The following PTBP1 variants were observed in gnomAD, a reference collection of about 807,000 sequenced individuals.
The protein encoded by PTBP1 is polypyrimidine tract binding protein 1.
A neutral mutation model predicts 59.8 loss-of-function variants in PTBP1; 8 were observed. That is an observed-to-expected ratio of 0.13 (90% CI 0.08 to 0.24). The LOEUF (loss-of-function observed/expected upper bound fraction) is 0.24. Among genes scored for constraint, PTBP1 ranks in the 10% least tolerant of loss-of-function variants. PTBP1 has a pLI of 1.00. For missense variants in PTBP1, 686 were observed against 767.0 expected (o/e 0.89, Z 1.25); for synonymous variants, 490 against 320.7 (o/e 1.53, Z -5.64).
In PTBP1 at chr19:808,649, G is replaced by C. The variant is rs1363672701; in HGVS notation, c.1350G>C (p.Gln450His). The change falls in exon 13 of 15, where the codon CAG becomes CAC. Residue 450 changes from glutamine to histidine, a missense_variant. Physicochemically the swap from Gln to His is conservative, Grantham distance 24. Coordinates refer to ENST00000356948, the MANE Select transcript of PTBP1 (RefSeq NM_002819.5). The surrounding 1 kb of genome is among the most constrained non-coding windows in gnomAD (Gnocchi z 4.7). ...TGCCCCGCGAGGGCCAGGAGGACCA[G>C]GGCCTGACCAAGGACTACGGCAACT... ...VQLPREGQED[Q>H]GLTKDYGNSP... 6.2e-7 allele frequency: 1 copy of C among 1,612,078 alleles called. No homozygotes were observed. The highest frequency in any genetic ancestry group is 1.7e-5 in the Admixed American group (1 of 60,010).
Position 811,057 on chromosome 19 carries a change from C to A in PTBP1, c.*231C>A, listed in dbSNP as rs780283081. ...TGTGGCAGCGGGAGTTCCCGGCCCTCCACACCCGGGGCCAGACCCTCGGGG... is the reference window on the plus strand; with the variant it reads ...TGTGGCAGCGGGAGTTCCCGGCCCTACACACCCGGGGCCAGACCCTCGGGG... On this transcript the variant is annotated 3_prime_UTR_variant, in exon 15 of 15. Transcript: ENST00000356948. 1.6e-4 allele frequency: 76 copies of A among 465,820 alleles called. No individual in the cohort carries two copies. Among genetic ancestry groups the A allele is most frequent in the Non-Finnish European group, 2.4e-4 (64 of 272,078 alleles). 28.9% of individuals were successfully genotyped at this position (465,820 alleles called of 1,614,324 possible). A position where few individuals can be genotyped will look rare whatever the true frequency, so the allele number is the denominator to read the frequency against.
intron 1 of PTBP1, 82 bp downstream of exon 1, chr19:797,587 C>T (rs1008256299): frequency 1.1e-4 from 107 of 992,122 alleles, no homozygotes; most frequent in Non-Finnish European, 1.2e-4. Context: ...CTCCCCGGGG[C>T]CGATCTCGCC....
intron 2 of PTBP1, 90 bp from the exon 3 acceptor site, chr19:803,471 G>C: frequency 9.0e-7 from 1 of 1,106,042 alleles, no homozygotes. Context: ...GGGACCCCAG[G>C]CAGCCCAAGT....
At chr19:801,787 T>C (rs1343199400) in intron 2 of PTBP1, among the ~76,000 whole-genome samples, 2 of 152,182 alleles carry the variant, frequency 1.3e-5, no homozygotes, top group Admixed American at 6.5e-5. Flanking sequence ...TGCTGTGTTT[T>C]CTGATCGCGT....
Position 812,221 on chromosome 19 carries a change from C to T in PTBP1, c.*1395C>T, listed in dbSNP as rs901886024. The stretch of plus-strand genomic sequence containing the variant: ...ACCGATTAAAACCGTTTGAGAAACT[C>T]CTCCCTTGTCTAGCCCTGTGTTCGC... On this transcript the variant is annotated 3_prime_UTR_variant, in exon 15 of 15. Transcript: ENST00000356948. 4 of 152,564 alleles carry T rather than the reference C, an allele frequency of 2.6e-5. No homozygotes were observed. The highest frequency in any genetic ancestry group is 7.2e-5 in the African/African-American group (3 of 41,468). The allele number at this position is 152,564 out of a possible 1,614,324, so 9.5% of individuals were successfully genotyped here.
intron 2 of PTBP1, among the ~76,000 whole-genome samples, chr19:801,745 C>T (rs2034344879): frequency 6.6e-6 from 1 of 151,898 alleles, no homozygotes; most frequent in African/African-American, 2.4e-5. Context: ...ATCCTCCCTT[C>T]CTCCCGTCCT....
chr19:811,654 A>T lies in PTBP1; in HGVS notation c.*828A>T, dbSNP rs2034881238. 1 of 152,354 alleles carries T rather than the reference A, an allele frequency of 6.6e-6. No individual in the cohort carries two copies. The allele number at this position is 152,354 out of a possible 1,614,324, so 9.4% of individuals were successfully genotyped here. A position where few individuals can be genotyped will look rare whatever the true frequency, so the allele number is the denominator to read the frequency against. On this transcript the variant is annotated 3_prime_UTR_variant, in exon 15 of 15. Transcript: ENST00000356948. The stretch of plus-strand genomic sequence containing the variant: ...TGTAATTAAGTCACAGGCAGGACCC[A>T]GTTTCCAGAGAGCAGGCGGGGCCGC...
Position 808,775 on chromosome 19 carries a change from CCGGGGGGCT to C in PTBP1, c.1463+15_1463+23del, listed in dbSNP as rs1472941206. The C allele has an allele frequency of 4.5e-6, 7 of 1,541,872 alleles. No individual in the cohort carries two copies. On this transcript the variant is annotated intron_variant, in intron 13 of 14. Coordinates refer to ENST00000356948, the MANE Select transcript of PTBP1 (RefSeq NM_002819.5). The surrounding 1 kb of genome is among the most constrained non-coding windows in gnomAD (Gnocchi z 4.7). ...TCTCCAACATCCCGTGAGTGCTGGG[CCGGGGGGCT>C]CATGGGGCCGGGGGCGGGCAAGGGC...
chr19:797,480 G>T lies in PTBP1; in HGVS notation c.-18G>T, dbSNP rs376495656. On this transcript the variant is annotated 5_prime_UTR_variant, in exon 1 of 15. Transcript: ENST00000356948. ...CCGGCGCCTCCACTCCGTCCCCCGCGGGTCTGCTCTGTGTGCCATGGACGG... is the reference window on the plus strand; with the variant it reads ...CCGGCGCCTCCACTCCGTCCCCCGCTGGTCTGCTCTGTGTGCCATGGACGG... 7.5e-6 allele frequency: 12 copies of T among 1,593,222 alleles called. 1 individual carries two copies. The highest frequency in any genetic ancestry group is 2.3e-5 in the East Asian group (1 of 43,400).
At chr19:797,860 G>A (rs1249214647) in intron 1 of PTBP1, among the ~76,000 whole-genome samples, 1 of 148,480 alleles carries the variant, frequency 6.7e-6, no homozygotes, top group Non-Finnish European at 1.5e-5. Context: ...TCGCGCGCCC[G>A]GATGGCCCTT....
chr19:805,659 G>A, intron 9 of PTBP1, 90 bp downstream of exon 9: 3 of 1,138,196 alleles, frequency 2.6e-6, no homozygotes, highest in Admixed American at 1.7e-5. Flanking sequence ...CAGCCTGGGC[G>A]GACTGGGCAC....
In PTBP1 at chr19:811,717, A is replaced by G. The variant is rs2034884951; in HGVS notation, c.*891A>G. On this transcript the variant is annotated 3_prime_UTR_variant, in exon 15 of 15. Transcript: ENST00000356948. ...GCACAGGGAGCCCCGGTCCTATCTT[A>G]GAGCCCCTGAGCTTCAGGGAAGGGG... 1 of 152,434 alleles carries G rather than the reference A, an allele frequency of 6.6e-6. No individual in the cohort carries two copies. Among genetic ancestry groups the G allele is most frequent in the African/African-American group, 2.4e-5 (1 of 41,464 alleles). 9.4% of individuals were successfully genotyped at this position (152,434 alleles called of 1,614,324 possible). A position where few individuals can be genotyped will look rare whatever the true frequency, so the allele number is the denominator to read the frequency against.
chr19:807,774 G>A, intron 10 of PTBP1, 95 bp from the exon 11 acceptor site: 1 of 928,512 alleles, frequency 1.1e-6, no homozygotes, highest in Non-Finnish European at 1.8e-6. Context: ...ACGCCTGCGG[G>A]GACTGTCTTC....
In PTBP1 at chr19:797,469, C is replaced by T. The variant is rs762757525; in HGVS notation, c.-29C>T. ...TTCCTGCTATTCCGGCGCCTCCACTCCGTCCCCCGCGGGTCTGCTCTGTGT... is the reference window on the plus strand; with the variant it reads ...TTCCTGCTATTCCGGCGCCTCCACTTCGTCCCCCGCGGGTCTGCTCTGTGT... On this transcript the variant is annotated 5_prime_UTR_variant, in exon 1 of 15. Transcript: ENST00000356948. 2.4e-5 allele frequency: 38 copies of T among 1,597,454 alleles called. No homozygotes were observed. The highest frequency in any genetic ancestry group is 3.1e-5 in the Non-Finnish European group (37 of 1,175,040).
chr19:804,090 C>T lies in PTBP1; in HGVS notation c.170C>T (p.Pro57Leu). The T allele has an allele frequency of 1.2e-6, 2 of 1,614,018 alleles. No homozygotes were observed. The highest frequency in any genetic ancestry group is 1.7e-6 in the Non-Finnish European group (2 of 1,179,986). ...GGTGACAGCCGAAGTGCAGGCGTCC[C>T]CTCTAGAGTGATCCACATCCGGAAG... The part of the protein sequence containing the change: ...FKGDSRSAGV[P>L]SRVIHIRKLP... The change falls in exon 4 of 15, where the codon CCC becomes CTC. Residue 57 changes from proline (P) to leucine (L), a missense_variant. Pro to Leu is a moderately conservative substitution (Grantham distance 98). Transcript: ENST00000356948.
At position 808,210 on chromosome 19, in the gene PTBP1, G is replaced by A. The variant is rs2034666640; in HGVS notation, c.1154-150G>A. 1 of 694,426 alleles carries A rather than the reference G, an allele frequency of 1.4e-6. No individual in the cohort carries two copies. The highest frequency in any genetic ancestry group is 2.5e-6 in the Non-Finnish European group (1 of 397,250). 43.0% of individuals were successfully genotyped at this position (694,426 alleles called of 1,614,324 possible). ...GGAGCTGCTCCTGTTAGCGCGCCCT[G>A]TGGCTGCGAGACGCAGCTCCGCAGT... is the stretch of plus-strand genomic sequence containing the variant. On this transcript the variant is annotated intron_variant, in intron 11 of 14. Coordinates refer to ENST00000356948, the MANE Select transcript of PTBP1 (RefSeq NM_002819.5). The surrounding 1 kb of genome is among the most constrained non-coding windows in gnomAD (Gnocchi z 4.7).
rs1476325562 is a variant in PTBP1, at chr19:808,774, G to GC, written c.1463+14dup. ...CTCTCCAACATCCCGTGAGTGCTGG[G>GC]CCGGGGGGCTCATGGGGCCGGGGGC... On this transcript the variant is annotated intron_variant, in intron 13 of 14. Coordinates refer to ENST00000356948, the MANE Select transcript of PTBP1 (RefSeq NM_002819.5). The surrounding 1 kb of genome is among the most constrained non-coding windows in gnomAD (Gnocchi z 4.7). 6.5e-7 allele frequency: 1 copy of GC among 1,543,554 alleles called. No individual in the cohort carries two copies. Among genetic ancestry groups the GC allele is most frequent in the African/African-American group, 1.3e-5 (1 of 74,278 alleles).
Position 805,584 on chromosome 19 carries a change from G to A in PTBP1, c.970+15G>A. The A allele has an allele frequency of 1.2e-6, 2 of 1,609,596 alleles. No homozygotes were observed. Among genetic ancestry groups the A allele is most frequent in the Non-Finnish European group, 1.7e-6 (2 of 1,175,966 alleles). ...TCAAGCTGCAGGTATTCAAACGCTT[G>A]GTCTTGGTTCCCCAGCGACTGCATG... On this transcript the variant is annotated intron_variant, in intron 9 of 14. Coordinates refer to ENST00000356948, the MANE Select transcript of PTBP1 (RefSeq NM_002819.5).
intron 9 of PTBP1, chr19:806,163 C>T (rs2034560699): frequency 9.2e-6 from 4 of 433,726 alleles, no homozygotes; most frequent in Middle Eastern, 5.9e-4. Flanking sequence ...GTGGGCGGGG[C>T]GCATGCAGAT....
Sources: gnomAD v4.1 joint callset for allele counts (sites outside exome capture counted in the v4.1 genomes callset) on GRCh38, gnomAD v4.1.1 for gene constraint, Gnocchi (gnomAD v3.1) non-coding constraint, MANE v1.5 for transcripts, NCBI Gene and HGNC (gene_info 2026-07-23, HGNC 2026-07-21) for gene names.